Variants in CCDC57 observed in about 807,000 individuals in gnomAD.
The protein encoded by CCDC57 is coiled-coil domain-containing protein 57.
CCDC57 carries 118 observed loss-of-function variants against 118.9 expected under a neutral mutation model. That is an observed-to-expected ratio of 0.99 (90% confidence interval 0.86 to 1.16). The LOEUF (loss-of-function observed/expected upper bound fraction) is 1.16, where lower values mean the gene tolerates loss of function less well. Ranked by LOEUF, CCDC57 falls within the 50% of genes most tolerant of loss-of-function variation. The probability of loss-of-function intolerance (pLI) is 0.00; values close to 1 mark genes in which losing one functional copy is unlikely to be tolerated. For missense variants in CCDC57, 1,300 were observed against 1,320.7 expected (o/e 0.98, Z 0.24); for synonymous variants, 527 against 532.9 (o/e 0.99, Z 0.15).
rs1057107510 is a variant in CCDC57 at position 82,193,893 on chromosome 17, T to C, written c.777-63A>G. The C allele has an allele frequency of 1.3e-5, 20 of 1,569,106 alleles. No homozygotes were observed. In the African/African-American group the frequency reaches 1.4e-4, roughly 11 times the overall value. On this transcript the variant is annotated intron_variant, in intron 6 of 19. Coordinates refer to ENST00000665763, the Ensembl canonical transcript of CCDC57. Reference sequence around the variant, plus strand: ...GATGAAAGCAAAGACCAGCCTGGAATGAGCAGAAAAGGTAGAATCCCCCAG... The same window carrying C: ...GATGAAAGCAAAGACCAGCCTGGAACGAGCAGAAAAGGTAGAATCCCCCAG...
At chr17:82,208,901 G>A (rs1384715290) in intron 1 of CCDC57, among the ~76,000 whole-genome samples, 1 of 152,078 alleles carries the variant, frequency 6.6e-6, no homozygotes, top group East Asian at 1.9e-4. Context: ...CAGAGTCTCA[G>A]TCTGTCACCC....
intron 19 of CCDC57, among the ~76,000 whole-genome samples, chr17:82,102,747 C>T (rs544502138): frequency 1.8e-4 from 28 of 152,044 alleles, no homozygotes; most frequent in African/African-American, 5.8e-4. Context: ...TAGCCGGGCA[C>T]GGTGGCGGGC....
chr17:82,184,025 G>T, intron 8 of CCDC57, 93 bp from the exon 8 acceptor site: 1 of 387,908 alleles, frequency 2.6e-6, no homozygotes, highest in Non-Finnish European at 4.7e-6. Flanking sequence ...ATGCGCGCGC[G>T]CGCGCGCACA....
chr17:82,186,402 A>G (rs1004492220), intron 8 of CCDC57, among the ~76,000 whole-genome samples: 2 of 152,188 alleles, frequency 1.3e-5, no homozygotes, highest in Non-Finnish European at 2.9e-5. Flanking sequence ...GCCGCACTAC[A>G]TGGAAAATGG....
chr17:82,123,833 G>A (rs957898062), intron 19 of CCDC57, among the ~76,000 whole-genome samples: 1 of 152,098 alleles, frequency 6.6e-6, no homozygotes, highest in Non-Finnish European at 1.5e-5. Flanking sequence ...AGGATGTTGA[G>A]ATTTATGAGA....
chr17:82,193,519 C>A (rs2047921882), intron 7 of CCDC57, among the ~76,000 whole-genome samples: 1 of 151,344 alleles, frequency 6.6e-6, no homozygotes, highest in African/African-American at 2.4e-5. Context: ...GCAATCCAGC[C>A]TGGGCACAGA....
At chr17:82,131,928 C>G (rs1394463188) in intron 17 of CCDC57, among the ~76,000 whole-genome samples, 1 of 151,880 alleles carries the variant, frequency 6.6e-6, no homozygotes, top group Non-Finnish European at 1.5e-5. Context: ...CCAGCCTGGG[C>G]AACATGGCGA....
At chr17:82,194,973 G>A (rs1408486887) in intron 5 of CCDC57, among the ~76,000 whole-genome samples, 1 of 152,264 alleles carries the variant, frequency 6.6e-6, no homozygotes, top group Non-Finnish European at 1.5e-5. Context: ...CTACTGATCT[G>A]TGCACCGTGA....
intron 4 of CCDC57, among the ~76,000 whole-genome samples, chr17:82,195,786 T>C (rs2048229584): frequency 6.6e-6 from 1 of 152,142 alleles, no homozygotes. Flanking sequence ...AAGGCTGAGA[T>C]GCCGGCAGTA....
intron 16 of CCDC57, among the ~76,000 whole-genome samples, chr17:82,135,679 A>G (rs2039052317): frequency 6.6e-6 from 1 of 152,186 alleles, no homozygotes; most frequent in African/African-American, 2.4e-5. Context: ...TCCTGAAGAC[A>G]CTCAACACCA....
chr17:82,113,524 G>A (rs564418481), intron 19 of CCDC57: 12 of 717,548 alleles, frequency 1.7e-5, no homozygotes, highest in East Asian at 1.6e-4. Flanking sequence ...AGTGAGGCCC[G>A]CGCTGCATGT....
At chr17:82,151,820 G>T in intron 15 of CCDC57, 47 bp from the exon 15 acceptor site, 1 of 1,513,918 alleles carries the variant, frequency 6.6e-7, no homozygotes, top group South Asian at 1.2e-5. Context: ...CTGCCCTCAT[G>T]GGAGGACGCC....
chr17:82,138,298 A>G (rs1169967401), intron 16 of CCDC57, among the ~76,000 whole-genome samples: 3 of 151,132 alleles, frequency 2.0e-5, no homozygotes, highest in Non-Finnish European at 4.4e-5. Context: ...ACAGGTGCCC[A>G]CCACCACGCC....
intron 16 of CCDC57, among the ~76,000 whole-genome samples, chr17:82,147,662 A>T (rs1226017725): frequency 2.5e-3 from 119 of 47,228 alleles, no homozygotes; most frequent in African/African-American, 3.4e-3. Flanking sequence ...GATACATGGA[A>T]GGGTGGGTGG....
intron 3 of CCDC57, among the ~76,000 whole-genome samples, chr17:82,199,472 T>A (rs1402888940): frequency 9.3e-5 from 4 of 42,976 alleles, no homozygotes; most frequent in Non-Finnish European, 1.7e-4. Context: ...AGCAAGACTC[T>A]GTCTCAAAAA....
At chr17:82,123,604 T>C (rs76838027) in intron 19 of CCDC57, among the ~76,000 whole-genome samples, 2 of 152,078 alleles carry the variant, frequency 1.3e-5, no homozygotes, top group African/African-American at 2.4e-5. Flanking sequence ...CAAAAACAGA[T>C]AGATTGATAA....
At chr17:82,163,313 C>T (rs780945644) in exon 14 of CCDC57, 2 of 1,613,712 alleles carry the variant, frequency 1.2e-6, no homozygotes, top group Admixed American at 1.7e-5. Flanking sequence ...CCTGCTTGAC[C>T]AGCTTGGACA....
chr17:82,157,753 T>C lies in CCDC57; in HGVS notation c.2236A>G (p.Arg746Gly), dbSNP rs371247372. ...AGGAGCTAGCGGGCACCCACCTCTC[T>C]CCCAAGGGCCACGGCGTCCGAGGCT... The change falls in exon 15 of 20, where the codon AGA (arginine) becomes GGA (glycine). Residue 746 changes from arginine (R) to glycine (G), a missense_variant. Physicochemically the swap from Arg to Gly is moderately radical, Grantham distance 125. Transcript: ENST00000665763. The C allele has an allele frequency of 6.9e-6, 11 of 1,593,680 alleles. No homozygotes were observed. The African/African-American group carries it at 1.2e-4, about 17-fold the overall frequency.
chr17:82,192,230 C>T lies in CCDC57; in HGVS notation c.851+1526G>A, dbSNP rs569390523. On this transcript the variant is annotated intron_variant, in intron 7 of 19. Coordinates refer to ENST00000665763, the Ensembl canonical transcript of CCDC57. This position sits in a 1 kb window ranked among gnomAD's most constrained non-coding sequence, Gnocchi z 4.0. ...AAACTCCTGACCTCAAGTGATCCCC[C>T]TGACTCAGCCTCCCAAAGTGCTGTG... Among the ~76,000 whole-genome samples the T allele has an allele frequency of 6.6e-6, 1 of 152,252 alleles. No individual in the cohort carries two copies. Among genetic ancestry groups the T allele is most frequent in the African/African-American group, 2.4e-5 (1 of 41,540 alleles).
Sources: gnomAD v4.1 joint callset for allele counts (sites outside exome capture counted in the v4.1 genomes callset) on GRCh38, gnomAD v4.1.1 for gene constraint, Gnocchi (gnomAD v3.1) non-coding constraint, MANE v1.5 for transcripts, NCBI Gene and HGNC (gene_info 2026-07-23, HGNC 2026-07-21) for gene names.